The following EHMT1 variants were observed in gnomAD, a reference collection of about 807,000 sequenced individuals.
EHMT1 encodes the protein euchromatic histone lysine methyltransferase 1, also known as histone-lysine N-methyltransferase EHMT1.
Under a neutral mutation model 147.2 loss-of-function variants are expected in EHMT1, and 15 were observed. That is an observed-to-expected ratio of 0.10 (90% CI 0.07 to 0.16). The LOEUF (loss-of-function observed/expected upper bound fraction) is 0.16, where lower values mean the gene tolerates loss of function less well. Ranked by LOEUF, EHMT1 falls within the 10% of genes least tolerant of loss-of-function variation. EHMT1 has a pLI of 1.00. For missense variants in EHMT1, 1,587 were observed against 1,772.4 expected (o/e 0.90, Z 1.88); for synonymous variants, 795 against 709.6 (o/e 1.12, Z -1.91).
chr9:137,647,024 T>C (rs921938452), intron 1 of EHMT1, among the ~76,000 whole-genome samples: 1 of 152,158 alleles, frequency 6.6e-6, no homozygotes, highest in African/African-American at 2.4e-5. Flanking sequence ...TTCACCAGCA[T>C]TTGTTATCAT....
intron 1 of EHMT1, among the ~76,000 whole-genome samples, chr9:137,686,735 T>TTC (rs1205659343): frequency 1.4e-5 from 2 of 146,562 alleles, no homozygotes. Context: ...TCTTTCTTTT[T>TTC]TTTTTTTTTT....
intron 3 of EHMT1, among the ~76,000 whole-genome samples, chr9:137,720,327 A>G (rs1945826339): frequency 6.6e-6 from 1 of 151,858 alleles, no homozygotes; most frequent in Non-Finnish European, 1.5e-5. Flanking sequence ...TTTTTAAGAC[A>G]GGATCTCACT....
chr9:137,803,884 C>T (rs1226117677), intron 18 of EHMT1, among the ~76,000 whole-genome samples: 1 of 151,698 alleles, frequency 6.6e-6, no homozygotes, highest in East Asian at 1.9e-4. Context: ...AGTGATTGTA[C>T]CATCTCTAGT....
At chr9:137,745,472 G>A in intron 6 of EHMT1, 1 of 398,488 alleles carries the variant, frequency 2.5e-6, no homozygotes, top group South Asian at 1.3e-4. Context: ...CTTATATGAA[G>A]AAGCATGAGG....
rs757820735 is a variant in EHMT1 at position 137,813,408 on chromosome 9, C to T, written c.3058C>T (p.Arg1020Cys). Reference protein sequence around the residue: ...VSRDIARGYERIPIPCVNAVD... With the variant: ...VSRDIARGYECIPIPCVNAVD... ...CAGGGACATCGCTCGAGGCTACGAG[C>T]GCATCCCCATCCCCTGTGTCAACGC... is the stretch of plus-strand genomic sequence containing the variant. Residue 1020 changes from arginine (R) to cysteine (C), a missense_variant, in exon 21 of 27, where the codon CGC becomes TGC. Physicochemically the swap from Arg to Cys is radical, Grantham distance 180 (BLOSUM62 -3). This residue lies in a region of EHMT1 where 78 missense variants were observed against 68.9 expected (regional missense o/e 1.13). Transcript: ENST00000460843. This position sits in a 1 kb window ranked among gnomAD's most constrained non-coding sequence, Gnocchi z 4.9. 17 of 1,612,622 alleles carry T rather than the reference C, an allele frequency of 1.1e-5. No homozygotes were observed. The highest frequency in any genetic ancestry group is 8.3e-5 in the Admixed American group (5 of 59,884).
At chr9:137,688,497 C>T (rs936663860) in intron 1 of EHMT1, among the ~76,000 whole-genome samples, 1 of 152,210 alleles carries the variant, frequency 6.6e-6, no homozygotes, top group African/African-American at 2.4e-5. Context: ...CATGGAGGGC[C>T]ACACTGATGC....
In EHMT1 at chr9:137,732,286, G is replaced by A. The variant is rs1319304950; in HGVS notation, c.823+3757G>A. On this transcript the variant is annotated intron_variant, in intron 4 of 26. Coordinates refer to ENST00000460843, the MANE Select transcript of EHMT1 (RefSeq NM_024757.5). This position sits in a 1 kb window ranked among gnomAD's most constrained non-coding sequence, Gnocchi z 4.6. ...CTCCCGCAGTTCAGCGAACGGGAGC[G>A]TGTCACTGCCTGCAGCTCAGTGAAC... Among the ~76,000 whole-genome samples the A allele has an allele frequency of 3.3e-5, 5 of 152,246 alleles. No individual in the cohort carries two copies. Among genetic ancestry groups the A allele is most frequent in the Admixed American group, 1.3e-4 (2 of 15,288 alleles).
At position 137,640,132 on chromosome 9, in the gene EHMT1, G is replaced by T. The variant is rs10867035; in HGVS notation, c.21+21083G>T. ...ATATTTTTAGTAGAGATGGGGTTTC[G>T]CTGTGTTGGCCAGGCTGTTCTTGAA... On this transcript the variant is annotated intron_variant, in intron 1 of 26. Transcript: ENST00000460843. 1.4e-4 allele frequency among the ~76,000 whole-genome samples: 21 copies of T among 152,100 alleles called. No homozygotes were observed. In the East Asian group the frequency reaches 3.7e-3, roughly 27 times the overall value.
intron 1 of EHMT1, among the ~76,000 whole-genome samples, chr9:137,662,912 C>T (rs549044302): frequency 4.6e-5 from 7 of 151,968 alleles, no homozygotes; most frequent in African/African-American, 1.7e-4. Flanking sequence ...TCCTGCCTCA[C>T]CCTCTTGGGT....
chr9:137,647,267 TGACC>T (rs1304244072), intron 1 of EHMT1, among the ~76,000 whole-genome samples: 1 of 152,124 alleles, frequency 6.6e-6, no homozygotes, highest in Non-Finnish European at 1.5e-5. Context: ...TGCCCCAGGC[TGACC>T]TCTTTGCTGT....
chr9:137,670,856 C>T (rs910015339), intron 1 of EHMT1, among the ~76,000 whole-genome samples: 13 of 152,290 alleles, frequency 8.5e-5, no homozygotes, highest in African/African-American at 3.1e-4. Flanking sequence ...CTCGCCTTTG[C>T]CGCCGTCTTC....
chr9:137,752,494 C>A, intron 7 of EHMT1, 86 bp downstream of exon 7: 1 of 1,476,380 alleles, frequency 6.8e-7, no homozygotes, highest in Non-Finnish European at 9.3e-7. Flanking sequence ...TACCCAACAA[C>A]CCTTGTTGCC....
At chr9:137,743,607 T>C (rs930270237) in intron 5 of EHMT1, 79 bp downstream of exon 5, 1 of 1,603,136 alleles carries the variant, frequency 6.2e-7, no homozygotes, top group Non-Finnish European at 8.5e-7. Flanking sequence ...ATCAGTAATT[T>C]GGGTGACCTC....
intron 1 of EHMT1, among the ~76,000 whole-genome samples, chr9:137,626,836 A>G (rs1843291410): frequency 7.1e-6 from 1 of 140,366 alleles, no homozygotes; most frequent in Non-Finnish European, 1.5e-5. Context: ...CCCAGGCTGG[A>G]GTGCAGTGGC....
At chr9:137,726,046 C>T (rs1427467538) in intron 3 of EHMT1, among the ~76,000 whole-genome samples, 1 of 152,086 alleles carries the variant, frequency 6.6e-6, no homozygotes, top group Non-Finnish European at 1.5e-5. Context: ...ACCTTGGTTA[C>T]TTCTCCCTGG....
chr9:137,822,168 G>A (rs1025700796), intron 25 of EHMT1, among the ~76,000 whole-genome samples: 6 of 152,152 alleles, frequency 3.9e-5, no homozygotes, highest in Non-Finnish European at 8.8e-5. Flanking sequence ...TCCTGTGTCC[G>A]GCTTTGCATG....
intron 1 of EHMT1, among the ~76,000 whole-genome samples, chr9:137,670,200 C>T (rs940384774): frequency 6.6e-6 from 1 of 152,142 alleles, no homozygotes; most frequent in Non-Finnish European, 1.5e-5. Context: ...ACCAGCTTCA[C>T]GTCAGTTCTT....
At chr9:137,681,411 T>C (rs1449997094) in intron 1 of EHMT1, among the ~76,000 whole-genome samples, 4 of 152,236 alleles carry the variant, frequency 2.6e-5, no homozygotes, top group African/African-American at 9.6e-5. Flanking sequence ...GCCTATAAAA[T>C]ATATAATTAT....
At chr9:137,637,194 G>A (rs1389808708) in intron 1 of EHMT1, among the ~76,000 whole-genome samples, 2 of 151,714 alleles carry the variant, frequency 1.3e-5, no homozygotes. Flanking sequence ...ACCGCACCAA[G>A]CCCAGAGTTT....
Sources: allele counts gnomAD v4.1 joint callset (sites outside exome capture counted in the v4.1 genomes callset), GRCh38; gene constraint gnomAD v4.1.1; regional missense constraint gnomAD v4.1.1; non-coding constraint Gnocchi (gnomAD v3.1); transcripts MANE v1.5; gene names NCBI Gene and HGNC (gene_info 2026-07-23, HGNC 2026-07-21).